Variants in CUL5 observed in about 807,000 individuals in gnomAD.
CUL5 encodes cullin 5.
In CUL5, 26 loss-of-function variants were observed where a neutral mutation model predicts 108.8. The ratio of observed to expected loss-of-function variants is 0.24; its 90% CI spans 0.18 to 0.33. The LOEUF (loss-of-function observed/expected upper bound fraction) is 0.33, where lower values mean the gene tolerates loss of function less well. CUL5 is among the 10% of genes least tolerant of loss of function. The pLI is 1.00. For synonymous variants in CUL5, 334 were observed against 298.0 expected (o/e 1.12, Z -1.25); for missense variants, 524 against 909.2 (o/e 0.58, Z 5.45).
intron 1 of CUL5, among the ~76,000 whole-genome samples, chr11:108,022,581 CACTT>C (rs199582691): frequency 2.0e-3 from 302 of 152,200 alleles, no homozygotes; most frequent in African/African-American, 6.8e-3. Flanking sequence ...TGGCTGATAA[CACTT>C]ACCCCCAGCC....
At chr11:108,100,367 G>A (rs1183463507) in intron 18 of CUL5, among the ~76,000 whole-genome samples, 1 of 151,810 alleles carries the variant, frequency 6.6e-6, no homozygotes, top group Non-Finnish European at 1.5e-5. Context: ...ACATGTTGAA[G>A]CCCTGTCTCT....
intron 11 of CUL5, among the ~76,000 whole-genome samples, chr11:108,079,137 T>G (rs1427872754): frequency 2.6e-5 from 4 of 152,198 alleles, no homozygotes; most frequent in African/African-American, 9.7e-5. Context: ...AGGGTCTCAC[T>G]CTGTCACCCA....
intron 7 of CUL5, among the ~76,000 whole-genome samples, chr11:108,062,906 C>T (rs75856169): frequency 2.0e-5 from 3 of 152,254 alleles, no homozygotes; most frequent in Non-Finnish European, 2.9e-5. Flanking sequence ...AGTGCTGTGG[C>T]GGGATCTCAG....
Position 108,009,161 on chromosome 11 carries a change from G to A in CUL5, c.-188G>A, listed in dbSNP as rs10736442. 3.2e-6 allele frequency: 2 copies of A among 634,658 alleles called. No homozygotes were observed. The highest frequency in any genetic ancestry group is 2.7e-5 in the East Asian group (1 of 36,580). 39.3% of individuals were successfully genotyped at this position (634,658 alleles called of 1,614,324 possible). A position where few individuals can be genotyped will look rare whatever the true frequency, so the allele number is the denominator to read the frequency against. On this transcript the variant is annotated 5_prime_UTR_variant, in exon 1 of 19. Coordinates refer to ENST00000393094, the MANE Select transcript of CUL5 (RefSeq NM_003478.6). ...GAAGCTCCGGTGACCATGTAGGGGA[G>A]AAGAGTGAGGAAGCTCCTGGTGCTT... is the stretch of plus-strand genomic sequence containing the variant.
chr11:108,048,697 C>G (rs1410869453), intron 3 of CUL5, among the ~76,000 whole-genome samples: 2 of 109,196 alleles, frequency 1.8e-5, no homozygotes, highest in African/African-American at 4.0e-5. Context: ...GGTGGATTCT[C>G]ACTTTGTCGC....
intron 1 of CUL5, among the ~76,000 whole-genome samples, chr11:108,028,138 C>A (rs1862495216): frequency 6.6e-6 from 1 of 152,154 alleles, no homozygotes; most frequent in Admixed American, 6.5e-5. Context: ...CTTTTAAATT[C>A]TAGATTTCCA....
At chr11:108,035,732 G>T (rs1017283773) in intron 2 of CUL5, among the ~76,000 whole-genome samples, 1 of 151,576 alleles carries the variant, frequency 6.6e-6, no homozygotes, top group African/African-American at 2.4e-5. Flanking sequence ...TCCAGGCTGG[G>T]TGACAGCAAG....
intron 1 of CUL5, among the ~76,000 whole-genome samples, chr11:108,028,187 A>C (rs1862496299): frequency 1.3e-5 from 2 of 152,234 alleles, no homozygotes; most frequent in Non-Finnish European, 2.9e-5. Context: ...ATGAATGTAT[A>C]ATAGATATGT....
At position 108,071,774 on chromosome 11, in the gene CUL5, T is replaced by C. The variant is rs116358024; in HGVS notation, c.875-558T>C. ...GCCATGTTGCCCTGACTGGTCTTTT[T>C]AACTCCTGGGCTCAAATGATCCTCC... On this transcript the variant is annotated intron_variant, in intron 8 of 18. Transcript: ENST00000393094. Among the ~76,000 whole-genome samples the C allele has an allele frequency of 9.5e-3, 1,442 of 151,762 alleles. 20 individuals carry two copies. The highest frequency in any genetic ancestry group is 0.032 in the African/African-American group (1,336 of 41,384).
chr11:108,086,499 T>TA (rs753116044), intron 11 of CUL5, among the ~76,000 whole-genome samples: 5 of 152,270 alleles, frequency 3.3e-5, no homozygotes, highest in South Asian at 2.1e-4. Flanking sequence ...CTTTGATTGT[T>TA]ACAGTAGTTC....
Position 108,009,117 on chromosome 11 carries a change from A to T in CUL5, c.-232A>T. 2 of 584,290 alleles carry T rather than the reference A, an allele frequency of 3.4e-6. No homozygotes were observed. Among genetic ancestry groups the T allele is most frequent in the Non-Finnish European group, 6.2e-6 (2 of 324,126 alleles). 36.2% of individuals were successfully genotyped at this position (584,290 alleles called of 1,614,324 possible). On this transcript the variant is annotated 5_prime_UTR_variant, in exon 1 of 19. It removes an upstream start codon present in the reference 5' UTR. Coordinates refer to ENST00000393094, the MANE Select transcript of CUL5 (RefSeq NM_003478.6). Reference sequence around the variant, plus strand: ...CGTTCCGGTCTTCCTGAGCGCGTGCATGAGGTCTTTCGCGTGGGGAAGCTC... The same window carrying T: ...CGTTCCGGTCTTCCTGAGCGCGTGCTTGAGGTCTTTCGCGTGGGGAAGCTC...
chr11:108,029,302 G>A (rs1296684623), intron 1 of CUL5, among the ~76,000 whole-genome samples: 1 of 152,224 alleles, frequency 6.6e-6, no homozygotes, highest in Non-Finnish European at 1.5e-5. Flanking sequence ...GGGATTAGTT[G>A]TGCTGTAAGG....
chr11:108,066,073 G>A (rs1193197917), intron 7 of CUL5, among the ~76,000 whole-genome samples: 1 of 152,138 alleles, frequency 6.6e-6, no homozygotes, highest in Non-Finnish European at 1.5e-5. Flanking sequence ...GGCCGTGGTG[G>A]CTCACGCCTC....
chr11:108,079,080 AT>A (rs1335387068), intron 11 of CUL5, among the ~76,000 whole-genome samples: 2 of 151,844 alleles, frequency 1.3e-5, no homozygotes, highest in African/African-American at 4.8e-5. Context: ...TCACCCTAGC[AT>A]TTTTTGTATT....
intron 2 of CUL5, among the ~76,000 whole-genome samples, chr11:108,040,471 G>T (rs1862867793): frequency 2.6e-5 from 4 of 152,128 alleles, no homozygotes; most frequent in African/African-American, 9.7e-5. Flanking sequence ...AATCGGCTGG[G>T]TGTGGTGTTG....
At chr11:108,051,970 CTTTTG>C (rs1234846856) in intron 4 of CUL5, among the ~76,000 whole-genome samples, 1 of 152,056 alleles carries the variant, frequency 6.6e-6, no homozygotes, top group African/African-American at 2.4e-5. Flanking sequence ...TCTTTATTTA[CTTTTG>C]TTTTGTTTGA....
chr11:108,071,090 A>G (rs1863808554), intron 8 of CUL5, among the ~76,000 whole-genome samples: 1 of 152,216 alleles, frequency 6.6e-6, no homozygotes, highest in Non-Finnish European at 1.5e-5. Flanking sequence ...AAATTGAAAA[A>G]TTATTTATGA....
chr11:108,068,054 G>A (rs565956749), intron 7 of CUL5, among the ~76,000 whole-genome samples: 14 of 151,810 alleles, frequency 9.2e-5, no homozygotes, highest in African/African-American at 3.4e-4. Flanking sequence ...TCAGCCTCCC[G>A]AGTAGCTGGG....
rs145113022 is a variant in CUL5, at chr11:108,046,348, G to T, written c.213G>T (p.Glu71Asp). Residue 71 changes from glutamate (E) to aspartate (D), a missense_variant, in exon 3 of 19, where the codon GAG (glutamate) becomes GAT (aspartate). Glu to Asp is a conservative substitution (Grantham distance 45). Transcript: ENST00000393094. ...IHQALKEDIL[E>D]FIKQAQARVL... ...AGGCTTTAAAAGAAGATATTCTTGA[G>T]TTTATTAAGCAAGCACAGGCAGTAA... 212 of 1,611,452 alleles carry T rather than the reference G, an allele frequency of 1.3e-4. No individual in the cohort carries two copies. Among genetic ancestry groups the T allele is most frequent in the Non-Finnish European group, 1.7e-4 (196 of 1,178,304 alleles).
Sources: allele counts gnomAD v4.1 joint callset (sites outside exome capture counted in the v4.1 genomes callset), GRCh38; gene constraint gnomAD v4.1.1; transcripts MANE v1.5; gene names NCBI Gene and HGNC (gene_info 2026-07-23, HGNC 2026-07-21).